NHSL2: variants seen among roughly 807,000 people sequenced by gnomAD.
The protein encoded by NHSL2 is NHS like 2.
In NHSL2, 27 loss-of-function variants were observed where a neutral mutation model predicts 53.4. The observed-to-expected ratio is 0.51, with a 90% CI of 0.37 to 0.70. NHSL2 has a LOEUF of 0.70. NHSL2 is among the 30% of genes least tolerant of loss of function. The pLI is 0.00. For missense variants in NHSL2, 892 were observed against 980.1 expected (o/e 0.91, Z 1.20); for synonymous variants, 408 against 404.1 (o/e 1.01, Z -0.12).
chrX:71,935,397 C>CACTT (rs763804934), intron 1 of NHSL2, among the ~76,000 whole-genome samples: 22 of 112,366 alleles, frequency 2.0e-4, no homozygotes, highest in Non-Finnish European at 3.9e-4. Context: ...AGTAGTAGCA[C>CACTT]ACTTATTAAA....
At chrX:72,132,308 A>G in intron 2 of NHSL2, 74 bp downstream of exon 2, 16 of 945,869 alleles carry the variant, frequency 1.7e-5, no homozygotes, top group Non-Finnish European at 2.3e-5. Flanking sequence ...GGCAAAGAAG[A>G]AAGAGGACAG....
At chrX:71,950,826 A>G (rs2041817100) in intron 1 of NHSL2, among the ~76,000 whole-genome samples, 1 of 111,786 alleles carries the variant, frequency 8.9e-6, no homozygotes, top group African/African-American at 3.3e-5. Context: ...GATTTCTGGT[A>G]TATCCTGACA....
intron 1 of NHSL2, among the ~76,000 whole-genome samples, chrX:72,027,102 C>T (rs997058346): frequency 8.9e-6 from 1 of 112,142 alleles, no homozygotes. Flanking sequence ...CCAGTGCTCC[C>T]TTCCCTACAC....
chrX:71,963,971 A>G (rs1452791046), intron 1 of NHSL2, among the ~76,000 whole-genome samples: 5 of 6,274 alleles, frequency 8.0e-4, no homozygotes, highest in African/African-American at 9.7e-4. Flanking sequence ...ACATATATAT[A>G]TACATATATA....
intron 1 of NHSL2, among the ~76,000 whole-genome samples, chrX:71,984,929 T>C (rs973729104): frequency 2.8e-5 from 3 of 108,132 alleles, no homozygotes; most frequent in African/African-American, 1.0e-4. Context: ...GTTCATGCCA[T>C]CCTCCTGCCT....
chrX:72,062,194 A>G lies in NHSL2; in HGVS notation c.281-69885A>G, dbSNP rs1199939453. ...TGTTACTTTCTTTTTGTCTTCTTCC[A>G]TCATCTGGTTGTAAGGCAGAGGGTG... On this transcript the variant is annotated intron_variant, in intron 1 of 7. Transcript: ENST00000633930. Among the ~76,000 whole-genome samples the G allele has an allele frequency of 3.6e-5, 4 of 112,313 alleles. 1 individual carries two copies. The South Asian group carries it at 1.5e-3, about 41-fold the overall frequency.
chrX:71,982,278 C>A (rs1282234133), intron 1 of NHSL2, among the ~76,000 whole-genome samples: 1 of 112,259 alleles, frequency 8.9e-6, no homozygotes, highest in African/African-American at 3.2e-5. Context: ...TTAGGCAAAT[C>A]CATAAAGACA....
At position 72,151,334 on chromosome X, in the gene NHSL2, A is replaced by G. The variant is rs2042512294; in HGVS notation, c.*7760A>G. ...CTACCGCACCCTGCCAATATAAACT[A>G]TTCTTAGCTCATGGGCTATGCAAAG... On this transcript the variant is annotated 3_prime_UTR_variant, in exon 8 of 8. Transcript: ENST00000633930. The G allele has an allele frequency of 9.0e-6, 1 of 111,607 alleles. No homozygotes were observed. Among genetic ancestry groups the G allele is most frequent in the Non-Finnish European group, 1.9e-5 (1 of 53,082 alleles). 9.2% of individuals were successfully genotyped at this position (111,607 alleles called of 1,213,427 possible).
At chrX:71,994,846 T>C (rs759267413) in intron 1 of NHSL2, among the ~76,000 whole-genome samples, 33 of 111,770 alleles carry the variant, frequency 3.0e-4, no homozygotes, top group African/African-American at 1.0e-3. Flanking sequence ...ACCTGCCCAC[T>C]GCATACTTGC....
At chrX:72,099,276 C>T (rs2041971010) in intron 1 of NHSL2, among the ~76,000 whole-genome samples, 1 of 111,712 alleles carries the variant, frequency 9.0e-6, no homozygotes, top group South Asian at 3.6e-4. Context: ...ATCCTAAATG[C>T]TCATATATAC....
chrX:72,039,145 TCCTTC>T (rs2042259378), intron 1 of NHSL2, among the ~76,000 whole-genome samples: 4 of 101,638 alleles, frequency 3.9e-5, no homozygotes, highest in African/African-American at 1.6e-4. Context: ...TCCTTTCCTT[TCCTTC>T]CTTGTCTCTC....
chrX:71,963,958 TAC>T (rs774683756), intron 1 of NHSL2, among the ~76,000 whole-genome samples: 2 of 6,430 alleles, frequency 3.1e-4, no homozygotes, highest in East Asian at 4.6e-3. Context: ...GCTATATATA[TAC>T]ACATATATAT....
At chrX:72,130,656 G>A (rs1304759670) in intron 1 of NHSL2, 28 of 1,209,884 alleles carry the variant, frequency 2.3e-5, no homozygotes, top group Non-Finnish European at 3.1e-5. Flanking sequence ...CATCCAGGTC[G>A]GCCATTTCTG....
chrX:71,925,890 G>T (rs2041682367), intron 1 of NHSL2, among the ~76,000 whole-genome samples: 1 of 111,478 alleles, frequency 9.0e-6, no homozygotes, highest in Admixed American at 9.5e-5. Context: ...ACAATCAATG[G>T]GGAATAGATT....
At chrX:71,935,116 C>G (rs2041731664) in intron 1 of NHSL2, among the ~76,000 whole-genome samples, 2 of 112,347 alleles carry the variant, frequency 1.8e-5, no homozygotes, top group South Asian at 7.5e-4. Flanking sequence ...GCAGCCCTTT[C>G]TGGACCTCAC....
At chrX:71,971,729 ACTGGAG>A (rs1469573362) in intron 1 of NHSL2, among the ~76,000 whole-genome samples, 1 of 111,883 alleles carries the variant, frequency 8.9e-6, no homozygotes, top group East Asian at 2.8e-4. Flanking sequence ...AACTACCTTT[ACTGGAG>A]CTCTTTGGTT....
At chrX:72,010,968 A>G (rs1172535630) in intron 1 of NHSL2, among the ~76,000 whole-genome samples, 1 of 112,134 alleles carries the variant, frequency 8.9e-6, no homozygotes, top group Non-Finnish European at 1.9e-5. Context: ...CCACTCATCT[A>G]TTCTCCATTT....
intron 1 of NHSL2, among the ~76,000 whole-genome samples, chrX:72,056,774 A>T (rs1170966640): frequency 8.9e-6 from 1 of 112,873 alleles, no homozygotes; most frequent in Non-Finnish European, 1.9e-5. Context: ...TCCATCCCAG[A>T]CTTCCCTCAA....
In NHSL2 at chrX:72,138,450, A is replaced by G; in HGVS notation, c.902A>G (p.Asn301Ser). ...TGTTTATTTCCTCCAGGTCACAGCAACAGCCCAGCAGGCAGTGTGGCCCAC... is the reference window on the plus strand; with the variant it reads ...TGTTTATTTCCTCCAGGTCACAGCAGCAGCCCAGCAGGCAGTGTGGCCCAC... ...NFSQRDQGHSNSPAGSVAHST... is the reference protein window; with the variant it reads ...NFSQRDQGHSSSPAGSVAHST... Residue 301 changes from asparagine (N) to serine (S), a missense_variant, in exon 6 of 8, where the codon AAC (asparagine) becomes AGC (serine). Transcript: ENST00000633930. 8.8e-7 allele frequency: 1 copy of G among 1,142,802 alleles called. No individual in the cohort carries two copies. The highest frequency in any genetic ancestry group is 1.8e-5 in the African/African-American group (1 of 55,926). The allele number at this position is 1,142,802 out of a possible 1,213,427, so 94.2% of individuals were successfully genotyped here.
Sources: allele counts gnomAD v4.1 joint callset (sites outside exome capture counted in the v4.1 genomes callset), GRCh38; gene constraint gnomAD v4.1.1; transcripts MANE v1.5; gene names NCBI Gene and HGNC (gene_info 2026-07-23, HGNC 2026-07-21).